The following SSBP3 variants were observed in gnomAD, a reference collection of about 807,000 sequenced individuals.
The protein encoded by SSBP3 is single stranded DNA binding protein 3.
In SSBP3, 5 loss-of-function variants were observed where a neutral mutation model predicts 69.6. The observed-to-expected ratio is 0.07, with a 90% CI of 0.04 to 0.15. The LOEUF is 0.15. Ranked by LOEUF, SSBP3 falls within the 10% of genes least tolerant of loss-of-function variation. The pLI, the probability that SSBP3 is intolerant of heterozygous loss-of-function variation, is 1.00. For synonymous variants in SSBP3, 196 were observed against 193.4 expected (o/e 1.01, Z -0.11); for missense variants, 312 against 534.0 (o/e 0.58, Z 4.10).
chr1:54,410,406 A>G (rs1649958452), upstream of SSBP3, among the ~76,000 whole-genome samples: 2 of 152,222 alleles, frequency 1.3e-5, no homozygotes, highest in South Asian at 4.1e-4. Flanking sequence ...CAAGGATGCC[A>G]GAAGACCTTG....
chr1:54,243,416 A>G, intron 9 of SSBP3, 117 bp from the exon 10 acceptor site: 3 of 1,269,470 alleles, frequency 2.4e-6, no homozygotes, highest in Non-Finnish European at 3.4e-6. Flanking sequence ...AGGATTGATG[A>G]GAAAAAATAA....
chr1:54,233,731 G>A (rs528028455), intron 14 of SSBP3, among the ~76,000 whole-genome samples: 19 of 149,308 alleles, frequency 1.3e-4, no homozygotes, highest in South Asian at 4.3e-4. Flanking sequence ...TCAGCCCCCC[G>A]CCCAGCCAGC....
At chr1:54,334,072 G>C (rs1646466289) in intron 4 of SSBP3, among the ~76,000 whole-genome samples, 1 of 150,086 alleles carries the variant, frequency 6.7e-6, no homozygotes, top group African/African-American at 2.5e-5. Flanking sequence ...AAATAAAATA[G>C]GCCTGGCGTG....
intron 9 of SSBP3, among the ~76,000 whole-genome samples, 173 bp downstream of exon 9, chr1:54,251,443 G>C (rs148401153): frequency 3.9e-5 from 6 of 152,232 alleles, no homozygotes; most frequent in Non-Finnish European, 8.8e-5. Context: ...CCTGGGCAGC[G>C]CGTGAAGCCA....
At chr1:54,320,262 G>A (rs1051965698) in intron 4 of SSBP3, among the ~76,000 whole-genome samples, 1 of 152,194 alleles carries the variant, frequency 6.6e-6, no homozygotes, top group African/African-American at 2.4e-5. Flanking sequence ...GACCACAGAG[G>A]GAAGACATCT....
chr1:54,366,654 G>A (rs1647033643), intron 4 of SSBP3, among the ~76,000 whole-genome samples: 1 of 152,060 alleles, frequency 6.6e-6, no homozygotes, highest in Admixed American at 6.5e-5. Flanking sequence ...GACAGTGAAG[G>A]GCAGGGAGTT....
At chr1:54,352,260 AAGC>A (rs1187628691) in intron 4 of SSBP3, among the ~76,000 whole-genome samples, 10 of 151,572 alleles carry the variant, frequency 6.6e-5, no homozygotes, top group Non-Finnish European at 1.5e-4. Context: ...AAAACTTCGG[AAGC>A]AGCACAAGGT....
intron 4 of SSBP3, among the ~76,000 whole-genome samples, chr1:54,339,044 G>A (rs1187388081): frequency 6.6e-6 from 1 of 152,076 alleles, no homozygotes; most frequent in East Asian, 1.9e-4. Flanking sequence ...GTGCTTTCAT[G>A]GGCCTTCTCT....
chr1:54,341,220 C>A (rs1194500905), intron 4 of SSBP3, among the ~76,000 whole-genome samples: 1 of 152,120 alleles, frequency 6.6e-6, no homozygotes, highest in African/African-American at 2.4e-5. Flanking sequence ...CTAGGCTCCA[C>A]GTCTTTCCAC....
In SSBP3 at chr1:54,257,146, G is replaced by A. The variant is rs374519094; in HGVS notation, c.488C>T (p.Pro163Leu). The change falls in exon 7 of 18, where the codon CCG becomes CTG. Residue 163 changes from proline (P) to leucine (L), a missense_variant. Pro to Leu is a moderately conservative substitution (Grantham distance 98). Transcript: ENST00000610401. ...CAGTACCTGGTTTCCCATTCTGATCGGGGGCCTGGGGCCGCCTGCGTATCG... is the reference window on the plus strand; with the variant it reads ...CAGTACCTGGTTTCCCATTCTGATCAGGGGCCTGGGGCCGCCTGCGTATCG... The A allele has an allele frequency of 1.1e-5, 18 of 1,602,780 alleles. No individual in the cohort carries two copies. Among genetic ancestry groups the A allele is most frequent in the Non-Finnish European group, 6.8e-6 (8 of 1,175,878 alleles).
At chr1:54,233,825 G>A (rs1004073479) in intron 14 of SSBP3, among the ~76,000 whole-genome samples, 4 of 152,342 alleles carry the variant, frequency 2.6e-5, no homozygotes, top group East Asian at 1.9e-4. Context: ...GCCTCTGCCC[G>A]GCCACCACCC....
chr1:54,251,496 C>T lies in SSBP3; in HGVS notation c.651+120G>A, dbSNP rs181854307. ...GACAGGAGCAGGGGATGCGGCCATGCCCTTCCTCTCACCCCTGCGAACTGA... is the reference window on the plus strand; with the variant it reads ...GACAGGAGCAGGGGATGCGGCCATGTCCTTCCTCTCACCCCTGCGAACTGA... On this transcript the variant is annotated intron_variant, in intron 9 of 17. Transcript: ENST00000610401. 182 of 1,111,562 alleles carry T rather than the reference C, an allele frequency of 1.6e-4. No homozygotes were observed. The African/African-American group carries it at 2.7e-3, about 16-fold the overall frequency. 68.9% of individuals were successfully genotyped at this position (1,111,562 alleles called of 1,614,324 possible). A position where few individuals can be genotyped will look rare whatever the true frequency, so the allele number is the denominator to read the frequency against.
chr1:54,405,371 C>A lies in SSBP3; in HGVS notation c.57-441G>T. 1.6e-5 allele frequency: 3 copies of A among 185,210 alleles called. No homozygotes were observed. The East Asian group carries it at 3.9e-4, about 24-fold the overall frequency. The allele number at this position is 185,210 out of a possible 1,614,324, so 11.5% of individuals were successfully genotyped here. On this transcript the variant is annotated intron_variant, in intron 1 of 17. Coordinates refer to ENST00000610401, the Ensembl canonical transcript of SSBP3. ...AAAGCGCCACCCTCGTCACCTCCCC[C>A]CAAACAACTGTGCCCCAAGCCTGGG...
At position 54,228,626 on chromosome 1, in the gene SSBP3, C is replaced by T. The variant is rs112288716; in HGVS notation, c.1006+122G>A. On this transcript the variant is annotated intron_variant, in intron 15 of 17. Transcript: ENST00000610401. ...TTCTGTGCGGCATCCCTCTCAGGAT[C>T]GTCCTGTGTGCCCAGCCAAGGCCGG... 81 of 1,468,706 alleles carry T rather than the reference C, an allele frequency of 5.5e-5. No homozygotes were observed. The African/African-American group carries it at 7.9e-4, about 14-fold the overall frequency. The allele number at this position is 1,468,706 out of a possible 1,614,324, so 91.0% of individuals were successfully genotyped here. A position where few individuals can be genotyped will look rare whatever the true frequency, so the allele number is the denominator to read the frequency against.
At chr1:54,412,780 T>C (rs1244245834) in intron 1 of SSBP3, 2 of 152,182 alleles carry the variant, frequency 1.3e-5, no homozygotes, top group Non-Finnish European at 2.9e-5. Context: ...AGTGGCGCGA[T>C]CTCAGCTCAC....
At chr1:54,233,615 C>T (rs1360785519) in intron 14 of SSBP3, among the ~76,000 whole-genome samples, 7 of 143,746 alleles carry the variant, frequency 4.9e-5, no homozygotes, top group East Asian at 2.2e-4. Flanking sequence ...CCCGGCCAGC[C>T]GCCCCGTCCG....
intron 4 of SSBP3, among the ~76,000 whole-genome samples, chr1:54,298,746 G>A (rs561798429): frequency 3.4e-4 from 52 of 152,196 alleles, no homozygotes; most frequent in South Asian, 3.1e-3. Context: ...GCTACACTGC[G>A]GCTCTTCTCC....
chr1:54,340,236 C>T (rs1231683049), intron 4 of SSBP3, among the ~76,000 whole-genome samples: 1 of 152,222 alleles, frequency 6.6e-6, no homozygotes, highest in Non-Finnish European at 1.5e-5. Context: ...CAAAAAGAAA[C>T]ACCCTGCACA....
At chr1:54,346,543 G>A (rs766699790) in intron 4 of SSBP3, among the ~76,000 whole-genome samples, 4 of 152,118 alleles carry the variant, frequency 2.6e-5, no homozygotes, top group Middle Eastern at 3.4e-3. Flanking sequence ...GGCTAGGCGC[G>A]GTGGCTCACA....
Sources: allele counts gnomAD v4.1 joint callset (sites outside exome capture counted in the v4.1 genomes callset), GRCh38; gene constraint gnomAD v4.1.1; transcripts MANE v1.5; gene names NCBI Gene and HGNC (gene_info 2026-07-23, HGNC 2026-07-21).